Variants in GALNT13 observed in about 807,000 individuals in gnomAD.
The protein encoded by GALNT13 is UDP-GalNAc:polypeptide N-acetylgalactosaminyltransferase 13.
Under a neutral mutation model 64.2 loss-of-function variants are expected in GALNT13, and 28 were observed. That is an observed-to-expected ratio of 0.44 (90% CI 0.32 to 0.60). The LOEUF is 0.60. GALNT13 is among the 20% of genes least tolerant of loss of function. The pLI, the probability that GALNT13 is intolerant of heterozygous loss-of-function variation, is 0.05. For missense variants in GALNT13, 577 were observed against 669.8 expected (o/e 0.86, Z 1.53); for synonymous variants, 214 against 224.6 (o/e 0.95, Z 0.42).
the GALNT13 span, among the ~76,000 whole-genome samples, chr2:153,087,663 G>A: frequency 6.6e-6 from 1 of 151,806 alleles, no homozygotes; most frequent in African/African-American, 2.4e-5. Context: ...TCCTCTATCT[G>A]TTCAGTGTTT....
intron 10 of GALNT13, among the ~76,000 whole-genome samples, chr2:154,403,454 TCA>T (rs1699388830): frequency 1.3e-5 from 2 of 148,858 alleles, no homozygotes; most frequent in Admixed American, 1.3e-4. Context: ...GGACTCCGTC[TCA>T]AAAAAAAAAA....
chr2:154,161,151 A>G (rs1684703354), intron 4 of GALNT13, among the ~76,000 whole-genome samples: 1 of 152,202 alleles, frequency 6.6e-6, no homozygotes, highest in African/African-American at 2.4e-5. Flanking sequence ...AGACACTGAA[A>G]TATGCATGCG....
rs1050040131 is a variant in GALNT13, at chr2:154,114,947, C to G, written c.143-25390C>G. On this transcript the variant is annotated intron_variant, in intron 3 of 12. Transcript: ENST00000392825. ...GCTGCCTGGGATCCAATTATTCCCA[C>G]TGTATTTAAATTTTGTAGTTGAGTG... 3.3e-5 allele frequency among the ~76,000 whole-genome samples: 5 copies of G among 152,306 alleles called. No homozygotes were observed. In the East Asian group the frequency reaches 7.7e-4, roughly 24 times the overall value.
the GALNT13 span, among the ~76,000 whole-genome samples, chr2:153,273,996 G>T: frequency 2.6e-5 from 4 of 152,146 alleles, no homozygotes; most frequent in African/African-American, 9.7e-5. Flanking sequence ...GGAATGTTCA[G>T]CAGAGGTGTC....
At chr2:153,283,962 C>T in the GALNT13 span, among the ~76,000 whole-genome samples, 1 of 152,152 alleles carries the variant, frequency 6.6e-6, no homozygotes, top group Non-Finnish European at 1.5e-5. Flanking sequence ...CTCCGAAGCA[C>T]TACAATTTAA....
chr2:154,299,903 A>G (rs1037489073), intron 8 of GALNT13, among the ~76,000 whole-genome samples: 15 of 151,926 alleles, frequency 9.9e-5, no homozygotes, highest in Admixed American at 5.9e-4. Context: ...TAAAAATTAT[A>G]AAATAAAAAA....
chr2:154,321,866 A>G (rs921435082), intron 9 of GALNT13, among the ~76,000 whole-genome samples: 9 of 152,156 alleles, frequency 5.9e-5, no homozygotes, highest in African/African-American at 2.2e-4. Context: ...TAATAAAATG[A>G]CACATTCATT....
chr2:154,154,036 G>T (rs1384131197), intron 4 of GALNT13, among the ~76,000 whole-genome samples: 1 of 152,148 alleles, frequency 6.6e-6, no homozygotes, highest in Admixed American at 6.5e-5. Context: ...CTCACGCTGG[G>T]AGCTGTAGAC....
the GALNT13 span, among the ~76,000 whole-genome samples, chr2:153,294,662 G>A: frequency 3.3e-5 from 5 of 152,140 alleles, no homozygotes; most frequent in Admixed American, 2.6e-4. Context: ...TGCAGAATAT[G>A]AGAGGATATT....
intron 2 of GALNT13, among the ~76,000 whole-genome samples, chr2:153,927,214 G>A (rs1690207890): frequency 6.6e-6 from 1 of 151,850 alleles, no homozygotes; most frequent in Non-Finnish European, 1.5e-5. Flanking sequence ...TATCTGCAAA[G>A]AAAGAAAGGA....
chr2:153,507,484 T>C, the GALNT13 span, among the ~76,000 whole-genome samples: 1 of 152,096 alleles, frequency 6.6e-6, no homozygotes, highest in Non-Finnish European at 1.5e-5. Context: ...TCTCACCATA[T>C]TGGCCAGGAT....
At chr2:153,451,819 G>C in the GALNT13 span, among the ~76,000 whole-genome samples, 1 of 152,204 alleles carries the variant, frequency 6.6e-6, no homozygotes, top group Non-Finnish European at 1.5e-5. Context: ...GCCCCAGGCG[G>C]CAGGTAGGTG....
chr2:154,414,189 G>T (rs570815626), intron 11 of GALNT13, among the ~76,000 whole-genome samples: 1 of 151,906 alleles, frequency 6.6e-6, no homozygotes, highest in South Asian at 2.1e-4. Context: ...GGCTTTTAAG[G>T]TATACTAACA....
the GALNT13 span, among the ~76,000 whole-genome samples, chr2:153,786,052 C>T: frequency 4.6e-5 from 7 of 151,970 alleles, no homozygotes; most frequent in Middle Eastern, 3.4e-3. Context: ...CCAGTAACAG[C>T]GGCTCCAAAT....
the GALNT13 span, among the ~76,000 whole-genome samples, chr2:153,155,344 T>C: frequency 2.0e-5 from 3 of 152,180 alleles, no homozygotes; most frequent in Non-Finnish European, 2.9e-5. Flanking sequence ...GTGAATCTTT[T>C]TTGGTCCTGG....
chr2:154,364,761 CCCGAGT>C (rs1265672084), intron 9 of GALNT13, among the ~76,000 whole-genome samples: 12 of 152,194 alleles, frequency 7.9e-5, no homozygotes, highest in African/African-American at 2.9e-4. Flanking sequence ...AACTCCACCT[CCCGAGT>C]TCAAGCGATT....
the GALNT13 span, among the ~76,000 whole-genome samples, chr2:153,857,667 T>A: frequency 4.8e-4 from 73 of 152,318 alleles, 1 homozygote; most frequent in Admixed American, 8.5e-4. Flanking sequence ...CACATATATA[T>A]TTTTTAAAAC....
chr2:154,279,156 A>G (rs1048499970), intron 8 of GALNT13, among the ~76,000 whole-genome samples: 2 of 152,122 alleles, frequency 1.3e-5, no homozygotes, highest in Non-Finnish European at 2.9e-5. Context: ...CCTTACCAGA[A>G]CACTCTAGAT....
the GALNT13 span, among the ~76,000 whole-genome samples, chr2:153,153,800 A>T: frequency 2.6e-5 from 4 of 151,064 alleles, no homozygotes; most frequent in Non-Finnish European, 5.9e-5. Context: ...TGGTTACTGT[A>T]GCCCTGTAGT....
Sources: allele counts gnomAD v4.1 joint callset (sites outside exome capture counted in the v4.1 genomes callset), GRCh38; gene constraint gnomAD v4.1.1; transcripts MANE v1.5; gene names NCBI Gene and HGNC (gene_info 2026-07-23, HGNC 2026-07-21).